The following DCC variants were observed in gnomAD, a reference collection of about 807,000 sequenced individuals.
DCC encodes netrin receptor DCC.
In DCC, 58 loss-of-function variants were observed where a neutral mutation model predicts 172.5. The ratio of observed to expected loss-of-function variants is 0.34; its 90% CI spans 0.27 to 0.42. DCC has a LOEUF of 0.42. DCC is among the 10% of genes least tolerant of loss of function. The pLI, the probability that DCC is intolerant of heterozygous loss-of-function variation, is 1.00. For synonymous variants in DCC, 709 were observed against 644.5 expected (o/e 1.10, Z -1.52); for missense variants, 1,740 against 1,791.0 (o/e 0.97, Z 0.51).
intron 1 of DCC, among the ~76,000 whole-genome samples, chr18:52,615,541 C>T (rs1316023760): frequency 2.6e-5 from 4 of 152,120 alleles, no homozygotes; most frequent in African/African-American, 9.7e-5. Flanking sequence ...AGATCCTTGT[C>T]AGTGTCTTGA....
Position 53,464,919 on chromosome 18 carries a change from C to T in DCC, c.3620-2975C>T, listed in dbSNP as rs950895455. Among the ~76,000 whole-genome samples the T allele has an allele frequency of 1.8e-4, 24 of 132,056 alleles. 2 individuals are homozygous for T. Among genetic ancestry groups the T allele is most frequent in the East Asian group, 1.7e-3 (7 of 4,004 alleles). 86.6% of individuals were successfully genotyped at this position (132,056 alleles called of 152,430 possible). On this transcript the variant is annotated intron_variant, in intron 24 of 28. Transcript: ENST00000442544. Reference sequence around the variant, plus strand: ...GCTTGAACCTTGGAGGCAGAGGTTGCGGTGAGCTGAGATCACGCCACTGCA... The same window carrying T: ...GCTTGAACCTTGGAGGCAGAGGTTGTGGTGAGCTGAGATCACGCCACTGCA...
chr18:52,616,988 G>T (rs2034393478), intron 1 of DCC, among the ~76,000 whole-genome samples: 1 of 152,114 alleles, frequency 6.6e-6, no homozygotes. Flanking sequence ...TTGAATTAAG[G>T]GCTGTAAATA....
At chr18:52,410,359 G>C (rs1232516941) in intron 1 of DCC, among the ~76,000 whole-genome samples, 1 of 152,142 alleles carries the variant, frequency 6.6e-6, no homozygotes, top group Non-Finnish European at 1.5e-5. Flanking sequence ...TTGAGCCCAG[G>C]AGTTTGAGGT....
intron 2 of DCC, among the ~76,000 whole-genome samples, chr18:52,765,950 G>C (rs1032347084): frequency 3.3e-5 from 5 of 152,160 alleles, no homozygotes; most frequent in African/African-American, 1.2e-4. Flanking sequence ...CTGAACAGAG[G>C]ACCTAAAACA....
intron 1 of DCC, among the ~76,000 whole-genome samples, chr18:52,678,733 G>C (rs1483909555): frequency 1.3e-5 from 2 of 152,098 alleles, no homozygotes; most frequent in Non-Finnish European, 1.5e-5. Context: ...TCCATGCCAC[G>C]AAAGATTTAA....
intron 1 of DCC, among the ~76,000 whole-genome samples, chr18:52,461,062 C>T (rs1395002958): frequency 6.6e-6 from 1 of 152,172 alleles, no homozygotes; most frequent in Non-Finnish European, 1.5e-5. Flanking sequence ...TGTAGTAACA[C>T]TTAGCTTAAA....
At position 53,179,008 on chromosome 18, in the gene DCC, G is replaced by A; in HGVS notation, c.1465G>A (p.Val489Met). The A allele has an allele frequency of 6.2e-7, 1 of 1,614,068 alleles. No individual in the cohort carries two copies. Among genetic ancestry groups the A allele is most frequent in the Non-Finnish European group, 8.5e-7 (1 of 1,179,956 alleles). ...ACAGCCTGGGTCCCTTCAGCTCACT[G>A]TGGGAAACCTGAAGCCAGAAGCCAT... ...TTQPGSLQLTVGNLKPEAMYT... is the reference protein window; with the variant it reads ...TTQPGSLQLTMGNLKPEAMYT... Residue 489 changes from valine to methionine, a missense_variant, in exon 9 of 29, where the codon GTG becomes ATG. This residue lies in a region of DCC where 1,732 missense variants were observed against 1,767.4 expected (regional missense o/e 0.98). Coordinates refer to ENST00000442544, the MANE Select transcript of DCC (RefSeq NM_005215.4).
intron 13 of DCC, 57 bp from the exon 14 acceptor site, chr18:53,321,990 G>A: frequency 1.1e-6 from 1 of 930,522 alleles, no homozygotes; most frequent in Non-Finnish European, 1.8e-6. Flanking sequence ...GGAAACCCAG[G>A]TAGGAATACT....
At chr18:53,063,282 C>CA in intron 5 of DCC, 23 bp from the exon 6 acceptor site, 1 of 1,463,344 alleles carries the variant, frequency 6.8e-7, no homozygotes, top group Non-Finnish European at 9.4e-7. Context: ...CACTCACTCA[C>CA]TTTTTTTTTT....
intron 2 of DCC, among the ~76,000 whole-genome samples, chr18:52,756,451 C>A (rs566319380): frequency 2.0e-5 from 3 of 152,314 alleles, no homozygotes; most frequent in Admixed American, 2.0e-4. Flanking sequence ...TCCTTCTTCA[C>A]TGGATTTCAG....
chr18:53,307,893 GTATGTATATATATATATA>G (rs1456394280), intron 13 of DCC, among the ~76,000 whole-genome samples: 3,613 of 97,480 alleles, frequency 0.037, 221 homozygotes, highest in Middle Eastern at 0.057. Flanking sequence ...CAATGTGTGT[GTATGTATATATATATATA>G]TATATATATA....
intron 23 of DCC, among the ~76,000 whole-genome samples, chr18:53,452,512 T>C (rs950055477): frequency 6.6e-6 from 1 of 152,136 alleles, no homozygotes; most frequent in Non-Finnish European, 1.5e-5. Context: ...AAAAGTGGGA[T>C]TTGGTGCCAT....
At chr18:52,636,593 T>A (rs1351155632) in intron 1 of DCC, among the ~76,000 whole-genome samples, 3 of 152,022 alleles carry the variant, frequency 2.0e-5, no homozygotes, top group Non-Finnish European at 2.9e-5. Context: ...CCTGCATGAC[T>A]CAGCAAAAGC....
chr18:53,031,490 G>T (rs1022452013), intron 5 of DCC, among the ~76,000 whole-genome samples: 2 of 152,040 alleles, frequency 1.3e-5, no homozygotes, highest in East Asian at 1.9e-4. Context: ...CTTTTCTGTT[G>T]TAAGAGTGAT....
intron 1 of DCC, among the ~76,000 whole-genome samples, chr18:52,664,784 A>T (rs1292631299): frequency 2.0e-5 from 3 of 151,902 alleles, no homozygotes; most frequent in Non-Finnish European, 4.4e-5. Flanking sequence ...TGGCCCCAAA[A>T]ATCTTAATGC....
At chr18:52,478,336 T>C (rs1598849983) in intron 1 of DCC, among the ~76,000 whole-genome samples, 1 of 152,182 alleles carries the variant, frequency 6.6e-6, no homozygotes, top group East Asian at 1.9e-4. Flanking sequence ...TGTTCTCTGC[T>C]AGGTTAATCT....
intron 12 of DCC, among the ~76,000 whole-genome samples, chr18:53,240,051 C>CAAAAAAA (rs1247730660): frequency 7.3e-5 from 8 of 108,910 alleles, no homozygotes; most frequent in African/African-American, 3.0e-4. Context: ...AAAAAAAAAA[C>CAAAAAAA]AACAAAACAC....
At chr18:52,523,829 T>A (rs554063520) in intron 1 of DCC, among the ~76,000 whole-genome samples, 60 of 152,224 alleles carry the variant, frequency 3.9e-4, no homozygotes, top group Non-Finnish European at 7.5e-4. Context: ...CAGCAGGGAC[T>A]TGGGATTATC....
chr18:53,457,234 AG>A (rs1344564132), intron 23 of DCC, among the ~76,000 whole-genome samples: 1 of 152,208 alleles, frequency 6.6e-6, no homozygotes, highest in African/African-American at 2.4e-5. Flanking sequence ...ACATACAAAA[AG>A]GTTCTGCCAG....
Sources: allele counts gnomAD v4.1 joint callset (sites outside exome capture counted in the v4.1 genomes callset), GRCh38; gene constraint gnomAD v4.1.1; regional missense constraint gnomAD v4.1.1; transcripts MANE v1.5; gene names NCBI Gene and HGNC (gene_info 2026-07-23, HGNC 2026-07-21).